KCNT2: variants seen among roughly 807,000 people sequenced by gnomAD.
KCNT2 encodes potassium sodium-activated channel subfamily T member 2.
KCNT2 carries 67 observed loss-of-function variants against 153.8 expected under a neutral mutation model. The ratio of observed to expected loss-of-function variants is 0.44; its 90% CI spans 0.36 to 0.53. KCNT2 has a LOEUF of 0.53. Ranked by LOEUF, KCNT2 falls within the 20% of genes least tolerant of loss-of-function variation. The pLI is 0.00. For missense variants in KCNT2, 975 were observed against 1,354.8 expected, an observed-to-expected ratio of 0.72 and a Z score of 4.40; for synonymous variants, 500 against 458.8, an observed-to-expected ratio of 1.09 and a Z score of -1.15.
intron 19 of KCNT2, among the ~76,000 whole-genome samples, chr1:196,322,404 C>T (rs147795695): frequency 6.6e-6 from 1 of 150,896 alleles, no homozygotes; most frequent in African/African-American, 2.4e-5. Flanking sequence ...TGAATCGAAA[C>T]AAAACAAAAA....
chr1:196,601,069 C>G (rs1664668327), intron 1 of KCNT2, among the ~76,000 whole-genome samples: 1 of 152,238 alleles, frequency 6.6e-6, no homozygotes, highest in African/African-American at 2.4e-5. Context: ...TCTTGAACTC[C>G]AGACCCATAC....
chr1:196,500,809 G>A (rs753614297), intron 1 of KCNT2, among the ~76,000 whole-genome samples: 1 of 151,850 alleles, frequency 6.6e-6, no homozygotes, highest in Non-Finnish European at 1.5e-5. Context: ...TCCAACAAAG[G>A]GCTAATATCC....
At chr1:196,603,759 C>T (rs962446545) in intron 1 of KCNT2, among the ~76,000 whole-genome samples, 2 of 149,186 alleles carry the variant, frequency 1.3e-5, no homozygotes, top group African/African-American at 4.9e-5. Context: ...AAATAAATGA[C>T]CTTCTCTTCT....
chr1:196,226,812 G>A lies in KCNT2; in HGVS notation c.*1412C>T, dbSNP rs1398627708. 6.6e-6 allele frequency: 1 copy of A among 151,774 alleles called. No homozygotes were observed. Among genetic ancestry groups the A allele is most frequent in the East Asian group, 1.9e-4 (1 of 5,198 alleles). 9.4% of individuals were successfully genotyped at this position (151,774 alleles called of 1,614,324 possible). A position where few individuals can be genotyped will look rare whatever the true frequency, so the allele number is the denominator to read the frequency against. On this transcript the variant is annotated 3_prime_UTR_variant, in exon 28 of 28. Transcript: ENST00000294725. ...CTTTCTAGTTTTATATGTATTTTTT[G>A]TTGTTGCTGAATTAAACTCAATGTC...
intron 23 of KCNT2, among the ~76,000 whole-genome samples, chr1:196,285,429 A>G (rs912412437): frequency 1.4e-4 from 22 of 152,196 alleles, no homozygotes; most frequent in African/African-American, 5.3e-4. Flanking sequence ...GTACAAAAGA[A>G]TGCCTGAAAT....
rs528710185 is a variant in KCNT2 at position 196,415,701 on chromosome 1, A to C, written c.1185+7349T>G. ...TGTACATCCAAACATAAAACAATTA[A>C]AAGAGATTCCAGTCTTTGCCAAAGG... On this transcript the variant is annotated intron_variant, in intron 12 of 27. Transcript: ENST00000294725. 2.6e-5 allele frequency among the ~76,000 whole-genome samples: 4 copies of C among 151,952 alleles called. No homozygotes were observed. In the East Asian group the frequency reaches 7.8e-4, roughly 30 times the overall value.
At position 196,513,453 on chromosome 1, in the gene KCNT2, T is replaced by C. The variant is rs539827110; in HGVS notation, c.96-21112A>G. Among the ~76,000 whole-genome samples the C allele has an allele frequency of 2.4e-4, 36 of 152,342 alleles. 1 individual carries two copies. In the South Asian group the frequency reaches 7.5e-3, roughly 32 times the overall value. The stretch of plus-strand genomic sequence containing the variant: ...ATTTGTTAATTTTAAAATGCATGCT[T>C]CTGATTTGCTGGGGATAATATGAAT... On this transcript the variant is annotated intron_variant, in intron 1 of 27. Transcript: ENST00000294725.
rs374406013 is a variant in KCNT2, at chr1:196,577,216, AAAC to A, written c.95+30996_95+30998del. Among the ~76,000 whole-genome samples, 12 of 152,198 alleles carry A rather than the reference AAAC, an allele frequency of 7.9e-5. No homozygotes were observed. In the East Asian group the frequency reaches 1.2e-3, roughly 15 times the overall value. ...ACTACCCCATCCTACTCCACTCCCA[AAAC>A]AACAACAACAACAAAAATGACAACA... On this transcript the variant is annotated intron_variant, in intron 1 of 27. Coordinates refer to ENST00000294725, the MANE Select transcript of KCNT2 (RefSeq NM_198503.5).
chr1:196,607,897 GTGTAT>G (rs1261294991), intron 1 of KCNT2, among the ~76,000 whole-genome samples: 1 of 152,100 alleles, frequency 6.6e-6, no homozygotes, highest in African/African-American at 2.4e-5. Flanking sequence ...TACCATTTGG[GTGTAT>G]TGTACCTCTG....
intron 4 of KCNT2, among the ~76,000 whole-genome samples, 159 bp from the exon 5 acceptor site, chr1:196,479,397 G>A (rs962474883): frequency 6.6e-6 from 1 of 152,128 alleles, no homozygotes; most frequent in Non-Finnish European, 1.5e-5. Context: ...ATACACAGAT[G>A]ACAGGCTGCT....
chr1:196,236,510 C>T (rs1306880228), intron 26 of KCNT2, among the ~76,000 whole-genome samples: 2 of 151,206 alleles, frequency 1.3e-5, no homozygotes, highest in Non-Finnish European at 3.0e-5. Flanking sequence ...GTTTAGAAAA[C>T]ATGCTAGAAA....
chr1:196,274,614 AGTGTTAATGAT>A (rs1463716827), intron 25 of KCNT2, among the ~76,000 whole-genome samples: 1 of 151,822 alleles, frequency 6.6e-6, no homozygotes, highest in East Asian at 1.9e-4. Flanking sequence ...GTAATAGTAA[AGTGTTAATGAT>A]TGGCACATGG....
At chr1:196,301,418 G>A (rs552162064) in intron 22 of KCNT2, among the ~76,000 whole-genome samples, 3 of 152,104 alleles carry the variant, frequency 2.0e-5, no homozygotes, top group South Asian at 4.2e-4. Flanking sequence ...ACCTCTGGAG[G>A]GCAAAGGGAA....
At chr1:196,382,111 A>ATTTATTTATTTATTTATTTG (rs1241635268) in intron 13 of KCNT2, among the ~76,000 whole-genome samples, 2 of 151,302 alleles carry the variant, frequency 1.3e-5, no homozygotes, top group African/African-American at 4.9e-5. Flanking sequence ...TTATTTATTT[A>ATTTATTTATTTATTTATTTG]TTTTTGAGAT....
chr1:196,331,562 A>G (rs1334081419), intron 17 of KCNT2, among the ~76,000 whole-genome samples: 1 of 152,066 alleles, frequency 6.6e-6, no homozygotes. Context: ...CTATAAATAA[A>G]GCTTTATTAT....
intron 12 of KCNT2, among the ~76,000 whole-genome samples, chr1:196,420,987 A>G (rs1673155115): frequency 6.6e-6 from 1 of 152,088 alleles, no homozygotes; most frequent in African/African-American, 2.4e-5. Flanking sequence ...TTAGTCATAC[A>G]TATAACCCTA....
intron 22 of KCNT2, among the ~76,000 whole-genome samples, chr1:196,301,443 C>A (rs1558120225): frequency 6.6e-6 from 1 of 152,162 alleles, no homozygotes; most frequent in African/African-American, 2.4e-5. Flanking sequence ...TTATCCTTAC[C>A]CCTATATCCC....
chr1:196,390,887 A>ATTTTTTTTTT (rs1243956099), intron 13 of KCNT2, among the ~76,000 whole-genome samples: 1 of 111,748 alleles, frequency 8.9e-6, no homozygotes. Context: ...GATCTCATTC[A>ATTTTTTTTTT]TTCTTTTTTT....
At chr1:196,430,112 T>C (rs1166750677) in intron 8 of KCNT2, among the ~76,000 whole-genome samples, 3 of 152,068 alleles carry the variant, frequency 2.0e-5, no homozygotes, top group Non-Finnish European at 2.9e-5. Context: ...GTCTTTTCTT[T>C]TTCTTTTTTT....
Sources: gnomAD v4.1 joint callset for allele counts (sites outside exome capture counted in the v4.1 genomes callset) on GRCh38, gnomAD v4.1.1 for gene constraint, MANE v1.5 for transcripts, NCBI Gene and HGNC (gene_info 2026-07-23, HGNC 2026-07-21) for gene names.